Variants in NEK11 observed in about 807,000 individuals in gnomAD.
The protein encoded by NEK11 is NIMA related kinase 11.
Under a neutral mutation model 80.7 loss-of-function variants are expected in NEK11, and 72 were observed. The observed-to-expected ratio is 0.89, with a 90% CI of 0.74 to 1.08. The LOEUF (loss-of-function observed/expected upper bound fraction) is 1.08. Among genes scored for constraint, NEK11 ranks in the 50% least tolerant of loss-of-function variants. NEK11 has a pLI of 0.00. For missense variants in NEK11, 764 were observed against 763.6 expected (o/e 1.00, Z -0.01); for synonymous variants, 251 against 260.7 (o/e 0.96, Z 0.36).
chr3:131,236,529 T>C (rs1441907313), intron 15 of NEK11, among the ~76,000 whole-genome samples: 3 of 152,044 alleles, frequency 2.0e-5, no homozygotes, highest in African/African-American at 7.2e-5. Flanking sequence ...ACAGCTGCAG[T>C]TAGAAGGTTT....
At chr3:131,104,422 G>A (rs1165984515) in intron 4 of NEK11, among the ~76,000 whole-genome samples, 1 of 152,138 alleles carries the variant, frequency 6.6e-6, no homozygotes, top group Non-Finnish European at 1.5e-5. Context: ...GCATTCTGGA[G>A]GCCAATGACA....
chr3:131,060,218 C>T (rs964386585), intron 3 of NEK11, among the ~76,000 whole-genome samples: 2 of 152,114 alleles, frequency 1.3e-5, no homozygotes, highest in Non-Finnish European at 2.9e-5. Context: ...ACTATTTTGG[C>T]TCTAAGGGTC....
chr3:131,288,746 C>T (rs1193154234), intron 17 of NEK11, among the ~76,000 whole-genome samples: 1 of 152,062 alleles, frequency 6.6e-6, no homozygotes, highest in Non-Finnish European at 1.5e-5. Context: ...GCCACCGCGC[C>T]CCGCCTATAT....
chr3:131,147,936 C>A (rs1429724058), intron 7 of NEK11, among the ~76,000 whole-genome samples: 1 of 151,792 alleles, frequency 6.6e-6, no homozygotes, highest in Non-Finnish European at 1.5e-5. Flanking sequence ...TGTTCCTAAT[C>A]TCAGAAGAAA....
chr3:131,137,842 C>A (rs1423961493), intron 7 of NEK11, among the ~76,000 whole-genome samples: 1 of 152,064 alleles, frequency 6.6e-6, no homozygotes, highest in Non-Finnish European at 1.5e-5. Context: ...TCCCCAGGAA[C>A]ACCAGGTTTT....
chr3:131,098,577 C>A (rs1306906167), intron 4 of NEK11, among the ~76,000 whole-genome samples: 1 of 137,028 alleles, frequency 7.3e-6, no homozygotes, highest in Admixed American at 7.3e-5. Context: ...CCTTTGCCCA[C>A]TTTTTTTTTT....
At chr3:131,057,544 C>T (rs970539287) in intron 3 of NEK11, among the ~76,000 whole-genome samples, 2 of 151,984 alleles carry the variant, frequency 1.3e-5, no homozygotes, top group African/African-American at 4.8e-5. Context: ...TCCTCTCCAG[C>T]ACCTGTTGTT....
chr3:131,249,895 AC>A (rs1366975787), intron 16 of NEK11, among the ~76,000 whole-genome samples: 1 of 152,172 alleles, frequency 6.6e-6, no homozygotes, highest in African/African-American at 2.4e-5. Flanking sequence ...AGGAAATCTA[AC>A]CAAAAAGAGA....
chr3:131,336,108 G>GA (rs1443498520), intron 17 of NEK11, among the ~76,000 whole-genome samples: 3 of 152,058 alleles, frequency 2.0e-5, no homozygotes, highest in African/African-American at 4.8e-5. Context: ...CACAGAATTG[G>GA]AAAAAACTAC....
At chr3:131,176,613 C>T (rs574469802) in intron 14 of NEK11, among the ~76,000 whole-genome samples, 38 of 152,200 alleles carry the variant, frequency 2.5e-4, no homozygotes, top group Non-Finnish European at 4.3e-4. Flanking sequence ...TCCTTCTGTA[C>T]GACAAGTCAC....
chr3:131,158,818 G>T (rs987811801), intron 10 of NEK11, among the ~76,000 whole-genome samples: 4 of 152,172 alleles, frequency 2.6e-5, no homozygotes, highest in Non-Finnish European at 5.9e-5. Flanking sequence ...GCCGCTGCTG[G>T]CACATGCAAG....
In NEK11 at chr3:131,249,633, A is replaced by G. The variant is rs548714772; in HGVS notation, c.1621+6137A>G. On this transcript the variant is annotated intron_variant, in intron 16 of 17. Transcript: ENST00000383366. ...TATGAAACCCCCAGATACCATTCCTACTTGGCTTCTGAAACACTGGAAGAA... is the reference window on the plus strand; with the variant it reads ...TATGAAACCCCCAGATACCATTCCTGCTTGGCTTCTGAAACACTGGAAGAA... 3.2e-4 allele frequency among the ~76,000 whole-genome samples: 48 copies of G among 152,256 alleles called. 2 individuals are homozygous for G. The South Asian group carries it at 9.5e-3, about 30-fold the overall frequency.
intron 3 of NEK11, among the ~76,000 whole-genome samples, chr3:131,047,239 G>C (rs1043025735): frequency 6.6e-6 from 1 of 151,978 alleles, no homozygotes; most frequent in Non-Finnish European, 1.5e-5. Context: ...ATGCCTTCTC[G>C]ATTAGCTAAT....
rs574709004 is a variant in NEK11, at chr3:131,177,439, G to A, written c.1399+6552G>A. Among the ~76,000 whole-genome samples the A allele has an allele frequency of 4.0e-4, 61 of 152,144 alleles. 2 individuals carry two copies. The South Asian group carries it at 0.012, about 31-fold the overall frequency. Reference sequence around the variant, plus strand: ...ACATACATGTCTGTTACTGTATTTCGCTCAATCAGTGACAGGAGCTATTAC... The same window carrying A: ...ACATACATGTCTGTTACTGTATTTCACTCAATCAGTGACAGGAGCTATTAC... On this transcript the variant is annotated intron_variant, in intron 14 of 17. Transcript: ENST00000383366.
At chr3:131,312,912 C>T (rs767493532) in intron 17 of NEK11, among the ~76,000 whole-genome samples, 24 of 151,812 alleles carry the variant, frequency 1.6e-4, no homozygotes, top group Non-Finnish European at 1.5e-4. Flanking sequence ...TAGATTATTT[C>T]ATCACCCAGG....
intron 14 of NEK11, among the ~76,000 whole-genome samples, chr3:131,198,044 T>C (rs1424975220): frequency 6.6e-6 from 1 of 152,200 alleles, no homozygotes; most frequent in African/African-American, 2.4e-5. Flanking sequence ...TCCATATTGC[T>C]GCATGGGCAT....
At chr3:131,162,385 A>G in intron 10 of NEK11, 23 bp from the exon 11 acceptor site, 2 of 1,610,194 alleles carry the variant, frequency 1.2e-6, no homozygotes, top group East Asian at 4.5e-5. Flanking sequence ...GGGCTATATG[A>G]GGGGAATCTT....
intron 3 of NEK11, among the ~76,000 whole-genome samples, chr3:131,046,913 T>G (rs1317566039): frequency 6.6e-6 from 1 of 152,238 alleles, no homozygotes; most frequent in East Asian, 1.9e-4. Flanking sequence ...TTTCTCTTCT[T>G]TCTTGGAAAT....
chr3:131,138,249 T>A (rs144542825), intron 7 of NEK11, among the ~76,000 whole-genome samples: 1 of 152,182 alleles, frequency 6.6e-6, no homozygotes, highest in Non-Finnish European at 1.5e-5. Flanking sequence ...TAGGCCTTAA[T>A]TGAGCATCAG....
Sources: allele counts gnomAD v4.1 joint callset (sites outside exome capture counted in the v4.1 genomes callset), GRCh38; gene constraint gnomAD v4.1.1; transcripts MANE v1.5; gene names NCBI Gene and HGNC (gene_info 2026-07-23, HGNC 2026-07-21).